Variants in BTLA observed in about 807,000 individuals in gnomAD.
The protein encoded by BTLA is B and T lymphocyte associated.
In BTLA, 11 loss-of-function variants were observed where a neutral mutation model predicts 25.0. The observed-to-expected ratio is 0.44, with a 90% CI of 0.28 to 0.73. BTLA has a LOEUF of 0.73. BTLA is among the 30% of genes least tolerant of loss of function. The probability of loss-of-function intolerance (pLI) is 0.15; values close to 1 mark genes in which losing one functional copy is unlikely to be tolerated. For synonymous variants in BTLA, 104 were observed against 119.8 expected (o/e 0.87, Z 0.86); for missense variants, 282 against 332.8 (o/e 0.85, Z 1.19).
chr3:112,483,733 C>T (rs962460467), intron 1 of BTLA, among the ~76,000 whole-genome samples: 32 of 151,618 alleles, frequency 2.1e-4, no homozygotes, highest in South Asian at 2.1e-4. Flanking sequence ...TTTGGGAGGC[C>T]GAGGGAGGTG....
rs1189997977 is a variant in BTLA, at chr3:112,464,917, A to G, written c.*1191T>C. The G allele has an allele frequency of 6.6e-6, 1 of 152,166 alleles. No individual in the cohort carries two copies. The highest frequency in any genetic ancestry group is 1.5e-5 in the Non-Finnish European group (1 of 68,036). The allele number at this position is 152,166 out of a possible 1,614,324, so 9.4% of individuals were successfully genotyped here. A position where few individuals can be genotyped will look rare whatever the true frequency, so the allele number is the denominator to read the frequency against. ...ATCCACTTTGTATGAAGACTATTAC[A>G]TTATTCAGTAGCAGCACCTGAGAAT... On this transcript the variant is annotated 3_prime_UTR_variant, in exon 5 of 5. Coordinates refer to ENST00000334529, the MANE Select transcript of BTLA (RefSeq NM_181780.4).
At chr3:112,489,532 T>C (rs2082368447) in intron 1 of BTLA, among the ~76,000 whole-genome samples, 2 of 152,208 alleles carry the variant, frequency 1.3e-5, no homozygotes, top group African/African-American at 4.8e-5. Flanking sequence ...GTTGCAACCA[T>C]TCAAATAAAT....
intron 4 of BTLA, among the ~76,000 whole-genome samples, chr3:112,468,018 G>T (rs1013158632): frequency 3.3e-5 from 5 of 152,180 alleles, no homozygotes; most frequent in Non-Finnish European, 7.3e-5. Context: ...CCCCTGCTGT[G>T]GCACCCCGTC....
chr3:112,496,220 T>G (rs1484061511), intron 1 of BTLA, among the ~76,000 whole-genome samples: 2 of 152,114 alleles, frequency 1.3e-5, no homozygotes, highest in African/African-American at 4.8e-5. Context: ...ACAGAGACAC[T>G]TCCACTTGCA....
intron 2 of BTLA, among the ~76,000 whole-genome samples, chr3:112,474,307 C>T (rs1382086690): frequency 6.6e-6 from 1 of 152,092 alleles, no homozygotes; most frequent in African/African-American, 2.4e-5. Context: ...TTTTTCTCCT[C>T]ACCTTATACT....
rs2633583 is a variant in BTLA, at chr3:112,499,353, C to T, written c.6G>A (p.Lys2=). M[K]TLPAMLGTGK... Reference sequence around the variant, plus strand: ...CAGTTCCAAGCATGGCAGGCAATGTCTTCATTTCCTGCACATATCAGTGAT... The same window carrying T: ...CAGTTCCAAGCATGGCAGGCAATGTTTTCATTTCCTGCACATATCAGTGAT... Residue 2 remains lysine (K), a synonymous_variant, in exon 1 of 5, where the codon AAG becomes AAA. Transcript: ENST00000334529. 1 of 1,613,130 alleles carries T rather than the reference C, an allele frequency of 6.2e-7. No individual in the cohort carries two copies. Among genetic ancestry groups the T allele is most frequent in the African/African-American group, 1.3e-5 (1 of 74,818 alleles).
At position 112,477,687 on chromosome 3, in the gene BTLA, C is replaced by T. The variant is rs79071550; in HGVS notation, c.403+1768G>A. Among the ~76,000 whole-genome samples, 1,326 of 152,148 alleles carry T rather than the reference C, an allele frequency of 8.7e-3. 49 individuals are homozygous for T. The highest frequency in any genetic ancestry group is 0.072 in the East Asian group (375 of 5,190). ...ACACTGCTAAATCCAAGATCAGAAACATTTATCCCTATGTTTTCTCCTAAG... is the reference window on the plus strand; with the variant it reads ...ACACTGCTAAATCCAAGATCAGAAATATTTATCCCTATGTTTTCTCCTAAG... On this transcript the variant is annotated intron_variant, in intron 2 of 4. Coordinates refer to ENST00000334529, the MANE Select transcript of BTLA (RefSeq NM_181780.4).
chr3:112,466,117 C>T lies in BTLA; in HGVS notation c.861G>A (p.Val287=), dbSNP rs2082224729. Residue 287 remains valine, a synonymous_variant, in exon 5 of 5, where the codon GTG becomes GTA. Coordinates refer to ENST00000334529, the MANE Select transcript of BTLA (RefSeq NM_181780.4). ...GGAGTCAGAAACAGACTTAACTCCT[C>T]ACACATATGGATGCATATTCTGTTG... ...EAPTEYASIC[V]RS is the part of the protein sequence containing the mutation. 6.3e-7 allele frequency: 1 copy of T among 1,591,458 alleles called. No homozygotes were observed. Among genetic ancestry groups the T allele is most frequent in the African/African-American group, 1.3e-5 (1 of 74,714 alleles).
chr3:112,499,459 T>G lies in BTLA; in HGVS notation c.-101A>C, dbSNP rs1261757786. ...GGTCAGTTTACCTACCCCAGTGGCA[T>G]CTGTGAAATAACTAAAAAAAAAAAA... is the stretch of plus-strand genomic sequence containing the variant. On this transcript the variant is annotated 5_prime_UTR_variant, in exon 1 of 5. An upstream start codon of the reference 5' UTR is lost. Transcript: ENST00000334529. 8 of 655,792 alleles carry G rather than the reference T, an allele frequency of 1.2e-5. No individual in the cohort carries two copies. The African/African-American group carries it at 1.6e-4, about 13-fold the overall frequency. The allele number at this position is 655,792 out of a possible 1,614,324, so 40.6% of individuals were successfully genotyped here.
chr3:112,471,383 G>A, intron 2 of BTLA, 28 bp from the exon 3 acceptor site: 1 of 1,609,804 alleles, frequency 6.2e-7, no homozygotes, highest in South Asian at 1.1e-5. Flanking sequence ...GCTAAAGAGA[G>A]TTAGGAAATC....
At chr3:112,496,860 T>G (rs1018649712) in intron 1 of BTLA, among the ~76,000 whole-genome samples, 1 of 152,146 alleles carries the variant, frequency 6.6e-6, no homozygotes, top group African/African-American at 2.4e-5. Flanking sequence ...CCCGAGTAGC[T>G]GGGACTACAG....
intron 2 of BTLA, among the ~76,000 whole-genome samples, chr3:112,473,236 A>C (rs1342177287): frequency 6.6e-6 from 1 of 151,758 alleles, no homozygotes; most frequent in East Asian, 1.9e-4. Context: ...CTTGGGGAGG[A>C]TTCCAGTGTT....
chr3:112,467,628 A>G (rs116705573), intron 4 of BTLA, among the ~76,000 whole-genome samples: 1,767 of 152,288 alleles, frequency 0.012, 17 homozygotes, highest in Non-Finnish European at 0.019. Context: ...CTATCATGCA[A>G]GCATGTCTGG....
chr3:112,469,689 T>A, intron 4 of BTLA, 69 bp downstream of exon 4: 1 of 1,227,282 alleles, frequency 8.1e-7, no homozygotes, highest in Non-Finnish European at 1.2e-6. Flanking sequence ...TTATATAAAT[T>A]CATTGAATAA....
At chr3:112,487,481 A>G (rs990628185) in intron 1 of BTLA, among the ~76,000 whole-genome samples, 5 of 151,964 alleles carry the variant, frequency 3.3e-5, no homozygotes, top group African/African-American at 1.2e-4. Flanking sequence ...GCTACTCAGG[A>G]GGCTGAGGCA....
intron 2 of BTLA, 84 bp from the exon 3 acceptor site, chr3:112,471,439 TGAG>T: frequency 1.4e-6 from 2 of 1,419,758 alleles, no homozygotes; most frequent in South Asian, 2.8e-5. Flanking sequence ...TGTCAGAACT[TGAG>T]TGAAGGAGAT....
intron 1 of BTLA, among the ~76,000 whole-genome samples, chr3:112,497,766 A>G (rs188093465): frequency 1.8e-4 from 28 of 152,288 alleles, no homozygotes; most frequent in Admixed American, 4.6e-4. Flanking sequence ...ATTCCAAACT[A>G]CACAGTTTAA....
At chr3:112,487,577 A>C (rs2633555) in intron 1 of BTLA, among the ~76,000 whole-genome samples, 35,512 of 151,304 alleles carry the variant, frequency 0.23, 7,316 homozygotes, top group African/African-American at 0.55. Context: ...AAGAGCGAAA[A>C]TCTGTGTCAA....
chr3:112,498,976 A>G (rs748815706), intron 1 of BTLA, among the ~76,000 whole-genome samples: 1 of 152,172 alleles, frequency 6.6e-6, no homozygotes, highest in African/African-American at 2.4e-5. Flanking sequence ...GTAGTGATAG[A>G]TTTGTACTTA....
Sources: allele counts gnomAD v4.1 joint callset (sites outside exome capture counted in the v4.1 genomes callset), GRCh38; gene constraint gnomAD v4.1.1; transcripts MANE v1.5; gene names NCBI Gene and HGNC (gene_info 2026-07-23, HGNC 2026-07-21).